The following EMSY variants were observed in gnomAD, a reference collection of about 807,000 sequenced individuals.
EMSY encodes the protein EMSY transcriptional repressor, BRCA2 interacting, also known as BRCA2-interacting transcriptional repressor EMSY.
In EMSY, 26 loss-of-function variants were observed where a neutral mutation model predicts 134.6. That is an observed-to-expected ratio of 0.19 (90% confidence interval 0.14 to 0.27). The LOEUF (loss-of-function observed/expected upper bound fraction) is 0.27, where lower values mean the gene tolerates loss of function less well. Among genes scored for constraint, EMSY ranks in the 10% least tolerant of loss-of-function variants. EMSY has a pLI of 1.00. For synonymous variants in EMSY, 579 were observed against 577.8 expected, an observed-to-expected ratio of 1.00 and a Z score of -0.03; for missense variants, 1,305 against 1,611.4, an observed-to-expected ratio of 0.81 and a Z score of 3.26.
At chr11:76,505,547 C>A (rs1950041428) in intron 9 of EMSY, among the ~76,000 whole-genome samples, 2 of 151,532 alleles carry the variant, frequency 1.3e-5, no homozygotes, top group South Asian at 4.2e-4. Flanking sequence ...GGTATTACTT[C>A]ATAGAAAATA....
rs1949380827 is a variant in EMSY, at chr11:76,490,644, T to C, written c.1109-5571T>C. 2.0e-5 allele frequency among the ~76,000 whole-genome samples: 3 copies of C among 152,252 alleles called. No homozygotes were observed. In the South Asian group the frequency reaches 6.2e-4, roughly 31 times the overall value. On this transcript the variant is annotated intron_variant, in intron 8 of 20. Coordinates refer to ENST00000334736, the Ensembl canonical transcript of EMSY. ...ATGTATTTATAAACTTCACATTGCC[T>C]TGTTAATCTTTTTGCTTCAAACTGG...
rs1950287399 is a variant in EMSY, at chr11:76,511,790, G to GTCTT, written c.1364-1596_1364-1595insTCTT. Among the ~76,000 whole-genome samples the GTCTT allele has an allele frequency of 2.0e-5, 3 of 152,070 alleles. No individual in the cohort carries two copies. In the South Asian group the frequency reaches 6.2e-4, roughly 32 times the overall value. On this transcript the variant is annotated intron_variant, in intron 9 of 20. Transcript: ENST00000334736. ...TCCCCCCACAAACCTCAGTGCTTAA[G>GTCTT]ATTTATTATAATCAGAATCTTAAAA...
At chr11:76,517,870 G>A (rs1007472687) in intron 11 of EMSY, among the ~76,000 whole-genome samples, 1 of 152,086 alleles carries the variant, frequency 6.6e-6, no homozygotes, top group Non-Finnish European at 1.5e-5. Flanking sequence ...ATTGTGTGGT[G>A]CTCATTATGT....
chr11:76,484,928 CAAA>C (rs201336578), intron 8 of EMSY, among the ~76,000 whole-genome samples: 1 of 105,840 alleles, frequency 9.4e-6, no homozygotes, highest in African/African-American at 3.9e-5. Context: ...AACTCCATCT[CAAA>C]AAAAAAAAAA....
chr11:76,450,794 A>AT (rs34212263), intron 2 of EMSY, among the ~76,000 whole-genome samples: 58,499 of 135,666 alleles, frequency 0.43, 13,761 homozygotes, highest in African/African-American at 0.62. Context: ...GCCTGGCCAG[A>AT]TTTTTTTTTT....
intron 9 of EMSY, chr11:76,497,010 A>G (rs1430608159): frequency 1.2e-5 from 2 of 173,656 alleles, no homozygotes; most frequent in African/African-American, 4.8e-5. Context: ...ACCATTAAGT[A>G]CAATACCAGC....
intron 4 of EMSY, 119 bp from the exon 6 acceptor site, chr11:76,458,062 CCT>C (rs1947946315): frequency 1.3e-6 from 1 of 749,978 alleles, no homozygotes; most frequent in Non-Finnish European, 2.0e-6. Context: ...TAAAATAAAG[CCT>C]CTCCTATTCA....
intron 10 of EMSY, among the ~76,000 whole-genome samples, 191 bp downstream of exon 11, chr11:76,513,726 C>G (rs1284068210): frequency 6.6e-6 from 1 of 152,006 alleles, no homozygotes; most frequent in Admixed American, 6.6e-5. Context: ...TTCTAATGAT[C>G]CTTTGTTCTT....
At chr11:76,543,592 C>T (rs1951527256) in intron 18 of EMSY, among the ~76,000 whole-genome samples, 1 of 152,234 alleles carries the variant, frequency 6.6e-6, no homozygotes, top group Non-Finnish European at 1.5e-5. Flanking sequence ...TTATCACTGA[C>T]ACTGGGCACT....
intron 9 of EMSY, among the ~76,000 whole-genome samples, chr11:76,510,506 TCA>T (rs1248328866): frequency 1.3e-5 from 2 of 152,216 alleles, no homozygotes. Context: ...CACTGAGTGC[TCA>T]CAGAGTCGGG....
chr11:76,532,208 T>G (rs1341569740), intron 14 of EMSY, among the ~76,000 whole-genome samples: 1 of 152,178 alleles, frequency 6.6e-6, no homozygotes, highest in Non-Finnish European at 1.5e-5. Context: ...CTGGCATTTA[T>G]CCAAAGAGTT....
chr11:76,480,193 A>G (rs930691542), intron 8 of EMSY, among the ~76,000 whole-genome samples: 21 of 152,220 alleles, frequency 1.4e-4, no homozygotes, highest in African/African-American at 4.6e-4. Flanking sequence ...AGCAGATGAG[A>G]CAGCTAATAC....
At chr11:76,503,951 ATTT>A (rs1264721522) in intron 9 of EMSY, among the ~76,000 whole-genome samples, 1 of 141,562 alleles carries the variant, frequency 7.1e-6, no homozygotes, top group Non-Finnish European at 1.6e-5. Flanking sequence ...CGCCCGGCTA[ATTT>A]TTTTTTTTTT....
intron 17 of EMSY, among the ~76,000 whole-genome samples, chr11:76,540,515 G>C (rs1951396469): frequency 1.3e-5 from 2 of 152,130 alleles, no homozygotes; most frequent in African/African-American, 4.8e-5. Context: ...AAGAATACTG[G>C]TGATGCTGCC....
At chr11:76,481,201 G>A (rs559180249) in intron 8 of EMSY, among the ~76,000 whole-genome samples, 2 of 152,112 alleles carry the variant, frequency 1.3e-5, no homozygotes, top group East Asian at 1.9e-4. Flanking sequence ...CCGCCACCAC[G>A]CCCAGCTAAT....
chr11:76,490,621 G>T (rs533201485), intron 8 of EMSY, among the ~76,000 whole-genome samples: 30 of 152,168 alleles, frequency 2.0e-4, no homozygotes, highest in African/African-American at 6.3e-4. Context: ...AATTCTATAT[G>T]TATTTATAAA....
Position 76,460,090 on chromosome 11 carries a change from G to C in EMSY, c.571+5G>C. On this transcript the variant is annotated splice_donor_5th_base_variant and intron_variant, in intron 6 of 20. Coordinates refer to ENST00000334736, the Ensembl canonical transcript of EMSY. The stretch of plus-strand genomic sequence containing the variant: ...GAAGTACTGTTTATGTCAAAAGTAA[G>C]TGATATTCTCAGTGTTATCAGGGCC... 1 of 1,614,138 alleles carries C rather than the reference G, an allele frequency of 6.2e-7. No individual in the cohort carries two copies. Among genetic ancestry groups the C allele is most frequent in the Non-Finnish European group, 8.5e-7 (1 of 1,179,962 alleles).
chr11:76,469,785 G>T (rs1050438208), intron 7 of EMSY, among the ~76,000 whole-genome samples: 1 of 152,154 alleles, frequency 6.6e-6, no homozygotes, highest in Non-Finnish European at 1.5e-5. Flanking sequence ...GCAGAGGCAG[G>T]ATCTAAGTGC....
chr11:76,506,750 C>T (rs148493698), intron 9 of EMSY, among the ~76,000 whole-genome samples: 2 of 152,246 alleles, frequency 1.3e-5, no homozygotes, highest in Admixed American at 6.5e-5. Context: ...AGCTGGGACT[C>T]GTACATTACT....
Sources: gnomAD v4.1 joint callset for allele counts (sites outside exome capture counted in the v4.1 genomes callset) on GRCh38, gnomAD v4.1.1 for gene constraint, MANE v1.5 for transcripts, NCBI Gene and HGNC (gene_info 2026-07-23, HGNC 2026-07-21) for gene names.